LCLAT1: variants seen among roughly 807,000 people sequenced by gnomAD.
LCLAT1 encodes lysocardiolipin acyltransferase 1.
In LCLAT1, 11 loss-of-function variants were observed where a neutral mutation model predicts 30.7. That is an observed-to-expected ratio of 0.36 (90% CI 0.23 to 0.59). The LOEUF (loss-of-function observed/expected upper bound fraction) is 0.59. Ranked by LOEUF, LCLAT1 falls within the 20% of genes least tolerant of loss-of-function variation. The pLI, the probability that LCLAT1 is intolerant of heterozygous loss-of-function variation, is 0.77. For synonymous variants in LCLAT1, 155 were observed against 151.3 expected, an observed-to-expected ratio of 1.02 and a Z score of -0.18; for missense variants, 402 against 458.6, an observed-to-expected ratio of 0.88 and a Z score of 1.13.
chr2:30,539,254 T>C (rs975292231), intron 3 of LCLAT1, among the ~76,000 whole-genome samples: 1 of 145,604 alleles, frequency 6.9e-6, no homozygotes, highest in African/African-American at 2.5e-5. Flanking sequence ...AGGCCTTTTT[T>C]TTTTTTTTTT....
chr2:30,498,409 G>C (rs1184684851), intron 1 of LCLAT1, among the ~76,000 whole-genome samples: 1 of 152,220 alleles, frequency 6.6e-6, no homozygotes, highest in Non-Finnish European at 1.5e-5. Flanking sequence ...CAGAAAAGTA[G>C]ACATATGTCA....
intron 3 of LCLAT1, among the ~76,000 whole-genome samples, chr2:30,534,252 T>C (rs1294843310): frequency 6.6e-6 from 1 of 150,480 alleles, no homozygotes; most frequent in Middle Eastern, 3.2e-3. Context: ...TGTGTGTGTG[T>C]GTGTGTGTGT....
At chr2:30,639,383 T>TGAC (rs74765547) in intron 5 of LCLAT1, among the ~76,000 whole-genome samples, 2 of 152,080 alleles carry the variant, frequency 1.3e-5, no homozygotes, top group South Asian at 2.1e-4. Context: ...CTCTGGCCTG[T>TGAC]TTAAGTGAAA....
At chr2:30,622,091 G>C (rs1441696180) in intron 5 of LCLAT1, among the ~76,000 whole-genome samples, 1 of 152,188 alleles carries the variant, frequency 6.6e-6, no homozygotes, top group Non-Finnish European at 1.5e-5. Context: ...GACACGGCAA[G>C]AGTGAGACCA....
rs1483772337 is a variant in LCLAT1 at position 30,525,610 on chromosome 2, T to C, written c.20T>C (p.Ile7Thr). The stretch of plus-strand genomic sequence containing the variant: ...AGAATCATGGTGTCATGGAAAGGGA[T>C]TTACTTTATACTGACTCTGTTTTGG... MVSWKGIYFILTLFWGS... is the reference protein window; with the variant it reads MVSWKGTYFILTLFWGS... The change falls in exon 2 of 6, where the codon ATT becomes ACT. Residue 7 changes from isoleucine to threonine, a missense_variant. Physicochemically the swap from Ile to Thr is moderately conservative, Grantham distance 89. Transcript: ENST00000379509. 1.9e-6 allele frequency: 3 copies of C among 1,613,590 alleles called. No homozygotes were observed. The highest frequency in any genetic ancestry group is 2.5e-6 in the Non-Finnish European group (3 of 1,179,632).
chr2:30,526,276 C>T (rs746940346), intron 2 of LCLAT1, among the ~76,000 whole-genome samples: 21 of 151,948 alleles, frequency 1.4e-4, no homozygotes, highest in Non-Finnish European at 2.9e-4. Context: ...TGTCTTGTCA[C>T]GTATGTCACA....
chr2:30,521,727 G>A (rs898341774), intron 1 of LCLAT1, among the ~76,000 whole-genome samples: 2 of 151,522 alleles, frequency 1.3e-5, no homozygotes, highest in Non-Finnish European at 2.9e-5. Context: ...GGATGGTCTC[G>A]ATCTCCTGAC....
intron 1 of LCLAT1, among the ~76,000 whole-genome samples, chr2:30,497,386 C>G (rs1368231422): frequency 1.3e-5 from 2 of 151,960 alleles, no homozygotes; most frequent in Non-Finnish European, 2.9e-5. Context: ...TATCAGGATT[C>G]TAGGTATAAT....
At chr2:30,519,787 G>A (rs1252973556) in intron 1 of LCLAT1, among the ~76,000 whole-genome samples, 2 of 152,148 alleles carry the variant, frequency 1.3e-5, no homozygotes, top group African/African-American at 4.8e-5. Flanking sequence ...CCCTCCCGTT[G>A]TATGGGAGCT....
At chr2:30,504,857 ATTC>A (rs1387417807) in intron 1 of LCLAT1, among the ~76,000 whole-genome samples, 5 of 152,180 alleles carry the variant, frequency 3.3e-5, no homozygotes, top group African/African-American at 9.6e-5. Context: ...ATTGGCAGGT[ATTC>A]TTCTAGACAG....
chr2:30,486,938 T>G (rs1683587024), intron 1 of LCLAT1, among the ~76,000 whole-genome samples: 1 of 152,230 alleles, frequency 6.6e-6, no homozygotes, highest in Admixed American at 6.5e-5. Context: ...TTGGTGCTAT[T>G]GGTTACTTCA....
chr2:30,591,282 C>T (rs1043189723), intron 5 of LCLAT1, among the ~76,000 whole-genome samples: 6 of 152,126 alleles, frequency 3.9e-5, no homozygotes, highest in Non-Finnish European at 8.8e-5. Context: ...ATACCTGCTT[C>T]GGGATTACTG....
intron 1 of LCLAT1, among the ~76,000 whole-genome samples, chr2:30,454,592 A>G (rs1681728864): frequency 6.6e-6 from 1 of 151,494 alleles, no homozygotes; most frequent in South Asian, 2.1e-4. Context: ...AGCTGGTACT[A>G]CAGGCATGTG....
intron 2 of LCLAT1, among the ~76,000 whole-genome samples, chr2:30,528,372 A>G (rs1424194818): frequency 6.6e-6 from 1 of 152,212 alleles, no homozygotes; most frequent in Non-Finnish European, 1.5e-5. Context: ...GAATTACATT[A>G]TACACCTACA....
intron 1 of LCLAT1, among the ~76,000 whole-genome samples, chr2:30,500,014 T>TTA (rs1321212081): frequency 9.2e-5 from 14 of 152,224 alleles, no homozygotes; most frequent in African/African-American, 3.4e-4. Context: ...ATTGACCCTG[T>TTA]TATTATTTGT....
Position 30,485,645 on chromosome 2 carries a change from C to T in LCLAT1, c.-5+38262C>T, listed in dbSNP as rs74261464. On this transcript the variant is annotated intron_variant, in intron 1 of 5. Coordinates refer to ENST00000379509, the MANE Select transcript of LCLAT1 (RefSeq NM_001002257.3). Reference sequence around the variant, plus strand: ...GTTGAATGATGACATTTGAATTTCTCTAGCAAAAAGAGCACTTTACTTTCT... The same window carrying T: ...GTTGAATGATGACATTTGAATTTCTTTAGCAAAAAGAGCACTTTACTTTCT... Among the ~76,000 whole-genome samples the T allele has an allele frequency of 2.1e-3, 313 of 152,102 alleles. 5 individuals are homozygous for T. The East Asian group carries it at 0.049, about 24-fold the overall frequency.
intron 1 of LCLAT1, among the ~76,000 whole-genome samples, chr2:30,504,079 T>TA (rs1416170849): frequency 1.1e-5 from 1 of 93,228 alleles, no homozygotes; most frequent in Non-Finnish European, 2.5e-5. Flanking sequence ...TTAAGGGACT[T>TA]ACGTGTGTGT....
intron 1 of LCLAT1, among the ~76,000 whole-genome samples, chr2:30,466,402 GTGT>G (rs1304983277): frequency 5.3e-5 from 8 of 151,716 alleles, no homozygotes; most frequent in African/African-American, 1.7e-4. Context: ...CCCTTTCTGT[GTGT>G]TGTTATCTAA....
intron 2 of LCLAT1, among the ~76,000 whole-genome samples, chr2:30,529,139 TA>T (rs985673415): frequency 6.6e-6 from 1 of 152,224 alleles, no homozygotes; most frequent in Non-Finnish European, 1.5e-5. Context: ...AATTTTCCAC[TA>T]AAAATAAATT....
Sources: allele counts gnomAD v4.1 joint callset (sites outside exome capture counted in the v4.1 genomes callset), GRCh38; gene constraint gnomAD v4.1.1; transcripts MANE v1.5; gene names NCBI Gene and HGNC (gene_info 2026-07-23, HGNC 2026-07-21).